Variants in LRRC7 observed in about 807,000 individuals in gnomAD.
LRRC7 encodes leucine rich repeat containing 7, also known as leucine-rich repeat-containing protein 7.
In LRRC7, 23 loss-of-function variants were observed where a neutral mutation model predicts 175.7. The observed-to-expected ratio is 0.13, with a 90% CI of 0.09 to 0.19. The LOEUF (loss-of-function observed/expected upper bound fraction) is 0.19. LRRC7 is among the 10% of genes least tolerant of loss of function. The pLI, the probability that LRRC7 is intolerant of heterozygous loss-of-function variation, is 1.00. For missense variants in LRRC7, 1,354 were observed against 1,904.7 expected (o/e 0.71, Z 5.38); for synonymous variants, 685 against 680.9 (o/e 1.01, Z -0.09).
chr1:69,719,628 T>G (rs1666133656), intron 2 of LRRC7, among the ~76,000 whole-genome samples: 1 of 151,672 alleles, frequency 6.6e-6, no homozygotes, highest in Non-Finnish European at 1.5e-5. Flanking sequence ...ACTGTTTTTA[T>G]TTAGAAAGAT....
At chr1:69,993,666 A>G (rs1342640116) in intron 10 of LRRC7, among the ~76,000 whole-genome samples, 1 of 152,172 alleles carries the variant, frequency 6.6e-6, no homozygotes, top group East Asian at 1.9e-4. Flanking sequence ...CTCAAAACAT[A>G]TATGATCATG....
intron 4 of LRRC7, among the ~76,000 whole-genome samples, chr1:69,809,010 A>T (rs1677479749): frequency 6.6e-6 from 1 of 152,194 alleles, no homozygotes; most frequent in African/African-American, 2.4e-5. Context: ...TGAAAAGATC[A>T]ACAAAATAGA....
At chr1:70,063,233 G>A (rs777021636) in intron 23 of LRRC7, among the ~76,000 whole-genome samples, 2 of 152,054 alleles carry the variant, frequency 1.3e-5, no homozygotes, top group Non-Finnish European at 2.9e-5. Context: ...ATAGGAAAAC[G>A]GGCAGATTAA....
intron 7 of LRRC7, among the ~76,000 whole-genome samples, chr1:69,915,063 A>C (rs1043303729): frequency 1.3e-5 from 2 of 152,206 alleles, no homozygotes; most frequent in Non-Finnish European, 2.9e-5. Flanking sequence ...CAGCACTGTC[A>C]CTAATTTTCT....
intron 1 of LRRC7, among the ~76,000 whole-genome samples, chr1:69,617,226 A>C (rs1409826841): frequency 6.6e-6 from 1 of 152,110 alleles, no homozygotes; most frequent in Non-Finnish European, 1.5e-5. Context: ...TATGAGCAGA[A>C]GCAGTTAGAA....
intron 2 of LRRC7, among the ~76,000 whole-genome samples, chr1:69,748,013 G>A (rs983865735): frequency 2.6e-5 from 4 of 152,064 alleles, no homozygotes; most frequent in African/African-American, 9.7e-5. Flanking sequence ...AGGCTTGTAT[G>A]TTTCATGAAT....
chr1:69,647,302 A>G (rs925350802), intron 1 of LRRC7, among the ~76,000 whole-genome samples: 3 of 152,120 alleles, frequency 2.0e-5, no homozygotes, highest in African/African-American at 4.8e-5. Flanking sequence ...TTTATAATGC[A>G]CCCTTTAAAG....
chr1:69,976,789 A>T (rs1652863242), intron 8 of LRRC7, among the ~76,000 whole-genome samples: 2 of 152,076 alleles, frequency 1.3e-5, no homozygotes, highest in African/African-American at 4.8e-5. Context: ...CCCTTAAGGT[A>T]CTGTCCTCAG....
chr1:69,881,740 A>G (rs1270119153), intron 7 of LRRC7, among the ~76,000 whole-genome samples: 2 of 151,582 alleles, frequency 1.3e-5, no homozygotes, highest in Non-Finnish European at 2.9e-5. Flanking sequence ...ATTAACCAAG[A>G]GTGGTAGTGC....
intron 1 of LRRC7, among the ~76,000 whole-genome samples, chr1:69,621,148 G>A (rs914183142): frequency 4.0e-5 from 6 of 151,630 alleles, no homozygotes; most frequent in Non-Finnish European, 7.4e-5. Context: ...GGGTTCAAGC[G>A]ATTCTCTGGT....
At chr1:69,913,616 A>G (rs1646599263) in intron 7 of LRRC7, among the ~76,000 whole-genome samples, 1 of 151,954 alleles carries the variant, frequency 6.6e-6, no homozygotes, top group South Asian at 2.1e-4. Flanking sequence ...GGTTCAAGCG[A>G]TTCTCCTGCC....
At chr1:69,797,504 T>C (rs1282783890) in intron 4 of LRRC7, among the ~76,000 whole-genome samples, 4 of 152,194 alleles carry the variant, frequency 2.6e-5, no homozygotes, top group Admixed American at 1.3e-4. Context: ...TACTCAGGTT[T>C]CCAAAGCAAA....
chr1:70,096,635 G>A lies in LRRC7; in HGVS notation c.4545+6816G>A, dbSNP rs190035449. On this transcript the variant is annotated intron_variant, in intron 25 of 26. Coordinates refer to ENST00000651989, the MANE Select transcript of LRRC7 (RefSeq NM_001370785.2). The stretch of plus-strand genomic sequence containing the variant: ...CGTTCCCTTTGTCCTCTCTGTCAAC[G>A]AATGTTTCTACCTTGACTCAGAACG... Among the ~76,000 whole-genome samples the A allele has an allele frequency of 2.8e-4, 43 of 151,878 alleles. 1 individual carries two copies. The East Asian group carries it at 8.3e-3, about 29-fold the overall frequency.
chr1:70,077,948 A>G (rs1662904694), intron 24 of LRRC7, among the ~76,000 whole-genome samples: 1 of 152,202 alleles, frequency 6.6e-6, no homozygotes, highest in Non-Finnish European at 1.5e-5. Flanking sequence ...GAATTGTAGA[A>G]CTGCCTATAT....
intron 4 of LRRC7, among the ~76,000 whole-genome samples, chr1:69,809,033 C>T (rs1052607401): frequency 6.6e-6 from 1 of 151,890 alleles, no homozygotes; most frequent in Non-Finnish European, 1.5e-5. Context: ...GCTAGCCAGA[C>T]TAATAAAGAA....
rs868606435 is a variant in LRRC7, at chr1:69,640,797, T to C, written c.3-37584T>C. Among the ~76,000 whole-genome samples, 73 of 151,624 alleles carry C rather than the reference T, an allele frequency of 4.8e-4. 1 individual carries two copies. The highest frequency in any genetic ancestry group is 2.6e-4 in the Admixed American group (4 of 15,198). ...AAATGAAATCTTAAAAGTTTTATTA[T>C]TTTTAGTTGCTACTTGAATTTGGAA... On this transcript the variant is annotated intron_variant, in intron 1 of 26. Transcript: ENST00000651989.
intron 8 of LRRC7, among the ~76,000 whole-genome samples, chr1:69,960,607 T>TA (rs1302719664): frequency 6.6e-6 from 1 of 151,922 alleles, no homozygotes; most frequent in African/African-American, 2.4e-5. Context: ...TTTTTTTTTT[T>TA]ATGTGAGCAT....
chr1:69,806,844 A>G (rs1191434505), intron 4 of LRRC7, among the ~76,000 whole-genome samples: 1 of 151,856 alleles, frequency 6.6e-6, no homozygotes, highest in Non-Finnish European at 1.5e-5. Flanking sequence ...CAGCTTTGTC[A>G]TTTTTTCCAT....
intron 2 of LRRC7, among the ~76,000 whole-genome samples, chr1:69,699,540 A>G (rs911708248): frequency 6.6e-6 from 1 of 151,016 alleles, no homozygotes; most frequent in Admixed American, 7.0e-5. Context: ...TCCATCTAAA[A>G]AAAAAGAGAG....
Sources: allele counts gnomAD v4.1 joint callset (sites outside exome capture counted in the v4.1 genomes callset), GRCh38; gene constraint gnomAD v4.1.1; transcripts MANE v1.5; gene names NCBI Gene and HGNC (gene_info 2026-07-23, HGNC 2026-07-21).